B3GLCT: variants seen among roughly 807,000 people sequenced by gnomAD.
The protein encoded by B3GLCT is beta 3-glucosyltransferase, also known as beta-1,3-glucosyltransferase.
B3GLCT carries 65 observed loss-of-function variants against 63.4 expected under a neutral mutation model. The ratio of observed to expected loss-of-function variants is 1.03; its 90% CI spans 0.84 to 1.26. B3GLCT has a LOEUF of 1.26. Ranked by LOEUF, B3GLCT falls within the 50% of genes most tolerant of loss-of-function variation. B3GLCT has a pLI of 0.00. For synonymous variants in B3GLCT, 233 were observed against 219.2 expected (o/e 1.06, Z -0.55); for missense variants, 577 against 604.8 (o/e 0.95, Z 0.48).
intron 12 of B3GLCT, among the ~76,000 whole-genome samples, 167 bp downstream of exon 12, chr13:31,286,986 A>G (rs1484261575): frequency 6.6e-6 from 1 of 152,242 alleles, no homozygotes; most frequent in African/African-American, 2.4e-5. Context: ...AAAGGTTTTT[A>G]ACACACTGAA....
At chr13:31,243,786 C>G (rs1871065225) in intron 4 of B3GLCT, among the ~76,000 whole-genome samples, 1 of 152,206 alleles carries the variant, frequency 6.6e-6, no homozygotes, top group Non-Finnish European at 1.5e-5. Flanking sequence ...CAGTAGGCTT[C>G]CTGTCTTCAA....
At chr13:31,223,287 G>C (rs544431911) in intron 3 of B3GLCT, among the ~76,000 whole-genome samples, 1 of 152,294 alleles carries the variant, frequency 6.6e-6, no homozygotes, top group African/African-American at 2.4e-5. Context: ...TGCCTGGTGG[G>C]CTCTCTGGGG....
intron 10 of B3GLCT, among the ~76,000 whole-genome samples, chr13:31,282,118 G>A (rs1005109727): frequency 6.6e-6 from 1 of 152,034 alleles, no homozygotes; most frequent in African/African-American, 2.4e-5. Context: ...TAATGTATCA[G>A]GTAACTTATT....
intron 10 of B3GLCT, among the ~76,000 whole-genome samples, chr13:31,277,688 G>A (rs1293112805): frequency 6.6e-6 from 1 of 152,050 alleles, no homozygotes; most frequent in Non-Finnish European, 1.5e-5. Context: ...TACAGGGGAA[G>A]ATGTTTTCCA....
chr13:31,215,075 CAAAG>C lies in B3GLCT; in HGVS notation c.101_104del (p.Lys34ArgfsTer19), dbSNP rs759505367. On this transcript the variant is annotated frameshift_variant, in exon 2 of 15. Coordinates refer to ENST00000343307, the MANE Select transcript of B3GLCT (RefSeq NM_194318.4). LOFTEE classifies it high-confidence loss of function. ...GCTTTTGGTTTGGCTTCTGAAGATA[CAAAG>C]AAAGAGGTCAAGCAGTCTCAGGTAC... The C allele has an allele frequency of 1.2e-6, 2 of 1,606,392 alleles. No homozygotes were observed. The highest frequency in any genetic ancestry group is 1.7e-6 in the Non-Finnish European group (2 of 1,178,126).
At chr13:31,233,610 T>A (rs1364546133) in intron 4 of B3GLCT, among the ~76,000 whole-genome samples, 7 of 152,138 alleles carry the variant, frequency 4.6e-5, no homozygotes, top group Non-Finnish European at 1.0e-4. Context: ...CTGCTTCCTT[T>A]TAAGGATTTT....
At chr13:31,300,111 AC>A (rs1382371261) in intron 12 of B3GLCT, among the ~76,000 whole-genome samples, 1 of 152,160 alleles carries the variant, frequency 6.6e-6, no homozygotes, top group Non-Finnish European at 1.5e-5. Context: ...CCATCCTCAA[AC>A]CAAGTAGCTC....
At chr13:31,268,032 TTTTA>T (rs927999008) in intron 7 of B3GLCT, among the ~76,000 whole-genome samples, 1 of 152,078 alleles carries the variant, frequency 6.6e-6, no homozygotes, top group African/African-American at 2.4e-5. Context: ...TTGTTTTAAC[TTTTA>T]TGTTAAACTA....
intron 12 of B3GLCT, among the ~76,000 whole-genome samples, chr13:31,308,347 TAA>T (rs1169835730): frequency 4.2e-5 from 1 of 23,688 alleles, no homozygotes; most frequent in African/African-American, 8.9e-5. Flanking sequence ...AAAAAAAAAT[TAA>T]AAAAAAAAAA....
chr13:31,298,835 C>T (rs1014267024), intron 12 of B3GLCT, among the ~76,000 whole-genome samples: 16 of 152,220 alleles, frequency 1.1e-4, no homozygotes, highest in Non-Finnish European at 2.2e-4. Context: ...TTAGCCCCAG[C>T]TTTGCTAAGC....
chr13:31,201,742 CTA>C (rs1193761140), intron 1 of B3GLCT, among the ~76,000 whole-genome samples: 3 of 152,106 alleles, frequency 2.0e-5, no homozygotes, highest in Non-Finnish European at 4.4e-5. Context: ...ATTGCTGTGT[CTA>C]TTTTTTATTA....
At chr13:31,326,275 CTTTTTTTTTT>C (rs11415456) in intron 14 of B3GLCT, among the ~76,000 whole-genome samples, 2 of 75,868 alleles carry the variant, frequency 2.6e-5, no homozygotes, top group African/African-American at 5.5e-5. Context: ...AGGTCTTTCC[CTTTTTTTTTT>C]TTTTTTTTTT....
At chr13:31,248,655 A>C (rs1362623186) in intron 6 of B3GLCT, among the ~76,000 whole-genome samples, 1 of 152,190 alleles carries the variant, frequency 6.6e-6, no homozygotes, top group Non-Finnish European at 1.5e-5. Flanking sequence ...GGGGGTGGGA[A>C]GGGATGTATC....
At chr13:31,277,276 C>T (rs1451464461) in intron 10 of B3GLCT, among the ~76,000 whole-genome samples, 2 of 151,822 alleles carry the variant, frequency 1.3e-5, no homozygotes, top group East Asian at 1.9e-4. Context: ...AAGAAAAAGC[C>T]GCGGTACAAA....
rs761109871 is a variant in B3GLCT, at chr13:31,274,592, C to T, written c.744C>T (p.Tyr248=). The T allele has an allele frequency of 6.2e-7, 1 of 1,614,240 alleles. No individual in the cohort carries two copies. ...PEFCTNDVDF[Y]CATTFHSFLP... is the part of the protein sequence containing the mutation. ...TTTGTACCAATGACGTGGACTTCTA[C>T]TGTGCTACCACATTCCATTCTTTTC... The change falls in exon 9 of 15, where the codon TAC becomes TAT. Residue 248 remains tyrosine (Y), a synonymous_variant. Coordinates refer to ENST00000343307, the MANE Select transcript of B3GLCT (RefSeq NM_194318.4).
intron 6 of B3GLCT, among the ~76,000 whole-genome samples, chr13:31,259,292 A>T (rs1430992730): frequency 2.0e-5 from 3 of 151,846 alleles, no homozygotes; most frequent in African/African-American, 7.3e-5. Context: ...CTGCTGGGTG[A>T]GTTTGGCTAA....
intron 12 of B3GLCT, among the ~76,000 whole-genome samples, chr13:31,308,211 T>A (rs1356351021): frequency 2.0e-5 from 1 of 49,368 alleles, no homozygotes; most frequent in African/African-American, 6.5e-5. Context: ...AGGGATAGCA[T>A]TGGGAGATAT....
intron 4 of B3GLCT, among the ~76,000 whole-genome samples, chr13:31,242,112 T>A (rs1447695586): frequency 6.6e-6 from 1 of 152,188 alleles, no homozygotes; most frequent in Non-Finnish European, 1.5e-5. Context: ...GAGAGATTAA[T>A]AAAATAGTGG....
At chr13:31,230,250 T>C (rs1483646469) in intron 4 of B3GLCT, among the ~76,000 whole-genome samples, 1 of 152,202 alleles carries the variant, frequency 6.6e-6, no homozygotes, top group Non-Finnish European at 1.5e-5. Flanking sequence ...AGGGAGGATC[T>C]ACCTTGTGCT....
Sources: allele counts gnomAD v4.1 joint callset (sites outside exome capture counted in the v4.1 genomes callset), GRCh38; gene constraint gnomAD v4.1.1; transcripts MANE v1.5; gene names NCBI Gene and HGNC (gene_info 2026-07-23, HGNC 2026-07-21).